Variants in ADCY9 observed in about 807,000 individuals in gnomAD.
ADCY9 encodes the protein adenylate cyclase type 9.
In ADCY9, 50 loss-of-function variants were observed where a neutral mutation model predicts 101.5. That is an observed-to-expected ratio of 0.49 (90% CI 0.39 to 0.62). The LOEUF (loss-of-function observed/expected upper bound fraction) is 0.62. Among genes scored for constraint, ADCY9 ranks in the 20% least tolerant of loss-of-function variants. The probability of loss-of-function intolerance (pLI) is 0.00; values close to 1 mark genes in which losing one functional copy is unlikely to be tolerated. For synonymous variants in ADCY9, 905 were observed against 769.3 expected, an observed-to-expected ratio of 1.18 and a Z score of -2.92; for missense variants, 1,662 against 1,800.4, an observed-to-expected ratio of 0.92 and a Z score of 1.39.
chr16:4,090,370 G>C (rs2056965618), intron 2 of ADCY9, among the ~76,000 whole-genome samples: 1 of 152,112 alleles, frequency 6.6e-6, no homozygotes, highest in Admixed American at 6.6e-5. Context: ...CGGTAATGCA[G>C]ACATGTTTAC....
At chr16:4,003,467 T>G (rs531498871) in intron 3 of ADCY9, among the ~76,000 whole-genome samples, 1 of 152,074 alleles carries the variant, frequency 6.6e-6, no homozygotes, top group East Asian at 1.9e-4. Flanking sequence ...CCGGCTCATC[T>G]CCCAGCAATC....
chr16:4,010,652 C>T (rs1231444547), intron 2 of ADCY9, among the ~76,000 whole-genome samples: 1 of 152,182 alleles, frequency 6.6e-6, no homozygotes, highest in African/African-American at 2.4e-5. Context: ...GCAGGTATGA[C>T]TATGGTCAGG....
At chr16:4,083,373 G>T (rs2056917608) in intron 2 of ADCY9, among the ~76,000 whole-genome samples, 1 of 152,132 alleles carries the variant, frequency 6.6e-6, no homozygotes, top group Non-Finnish European at 1.5e-5. Context: ...TGTTTATGGA[G>T]ACGTGGGGAA....
At chr16:4,051,425 G>C (rs894541838) in intron 2 of ADCY9, among the ~76,000 whole-genome samples, 8 of 151,994 alleles carry the variant, frequency 5.3e-5, no homozygotes, top group African/African-American at 1.9e-4. Flanking sequence ...TCGGGAGACT[G>C]AGGCGGGAGA....
intron 7 of ADCY9, 122 bp downstream of exon 7, chr16:3,983,110 C>T: frequency 1.0e-6 from 1 of 956,034 alleles, no homozygotes; most frequent in Non-Finnish European, 1.5e-6. Flanking sequence ...GGACCCATCT[C>T]CAGAAATCAG....
At chr16:4,097,409 G>A (rs2057010587) in intron 2 of ADCY9, among the ~76,000 whole-genome samples, 1 of 144,450 alleles carries the variant, frequency 6.9e-6, no homozygotes, top group African/African-American at 2.6e-5. Context: ...GTAGATGTTT[G>A]GGGTGTGGTT....
chr16:3,992,205 C>A lies in ADCY9; in HGVS notation c.2148G>T (p.Arg716Ser), dbSNP rs777620315. 5 of 1,614,074 alleles carry A rather than the reference C, an allele frequency of 3.1e-6. No individual in the cohort carries two copies. Among genetic ancestry groups the A allele is most frequent in the Non-Finnish European group, 3.4e-6 (4 of 1,180,044 alleles). ...CCGTTTTCTCCCGGATGTTCTTGAA[C>A]CTCAGCGGAAGGAGAGCCGACTGGT... ...SLDQSALLPL[R>S]FKNIREKTDA... is the part of the protein sequence containing the mutation. Residue 716 changes from arginine (R) to serine (S), a missense_variant, in exon 5 of 11, where the codon AGG becomes AGT. Physicochemically the swap from Arg to Ser is moderately radical, Grantham distance 110 (BLOSUM62 -1). Transcript: ENST00000294016. This position sits in a 1 kb window ranked among gnomAD's most constrained non-coding sequence, Gnocchi z 4.2.
At chr16:4,046,547 T>C (rs2056666357) in intron 2 of ADCY9, among the ~76,000 whole-genome samples, 1 of 152,180 alleles carries the variant, frequency 6.6e-6, no homozygotes, top group African/African-American at 2.4e-5. Context: ...AGTAGCTTAG[T>C]AGTCATTTCC....
Position 3,992,674 on chromosome 16 carries a change from G to A in ADCY9, c.1990-311C>T, listed in dbSNP as rs535207861. Among the ~76,000 whole-genome samples, 278 of 152,236 alleles carry A rather than the reference G, an allele frequency of 1.8e-3. No individual in the cohort carries two copies. The highest frequency in any genetic ancestry group is 6.0e-3 in the African/African-American group (251 of 41,544). On this transcript the variant is annotated intron_variant, in intron 4 of 10. Transcript: ENST00000294016. The surrounding 1 kb of genome is among the most constrained non-coding windows in gnomAD (Gnocchi z 4.2). The stretch of plus-strand genomic sequence containing the variant: ...GGGGAAGGGAGGAAAGTGAGGAGCC[G>A]AGGCCCCCAGAGTCTGCTTAGGCCA...
chr16:4,066,632 G>C (rs540318529), intron 2 of ADCY9, among the ~76,000 whole-genome samples: 2 of 152,170 alleles, frequency 1.3e-5, no homozygotes, highest in African/African-American at 4.8e-5. Context: ...TGATCCTCCC[G>C]CCTCAGCCTC....
At chr16:4,050,713 C>CCA in intron 2 of ADCY9, among the ~76,000 whole-genome samples, 1 of 69,638 alleles carries the variant, frequency 1.4e-5, no homozygotes, top group East Asian at 4.0e-4. Context: ...AACTCCGTCT[C>CCA]AAAAAAAAAA....
intron 2 of ADCY9, among the ~76,000 whole-genome samples, chr16:4,020,389 CTAAAAGAAAATGGGTGGGA>C (rs1168839156): frequency 6.6e-6 from 1 of 151,960 alleles, no homozygotes; most frequent in East Asian, 1.9e-4. Context: ...ATAAGAACTA[CTAAAAGAAAATGGGTGGGA>C]TAAAAGTAAA....
At chr16:4,070,998 A>C (rs1426916538) in intron 2 of ADCY9, among the ~76,000 whole-genome samples, 1 of 151,658 alleles carries the variant, frequency 6.6e-6, no homozygotes, top group African/African-American at 2.4e-5. Context: ...ATATAACCAC[A>C]ACTTTTCTTG....
chr16:4,018,678 G>A (rs1234756132), intron 2 of ADCY9, among the ~76,000 whole-genome samples: 4 of 152,094 alleles, frequency 2.6e-5, no homozygotes, highest in African/African-American at 9.7e-5. Context: ...CAGATCACCC[G>A]GTTTTCAACT....
At chr16:4,001,306 T>G (rs939420924) in intron 3 of ADCY9, among the ~76,000 whole-genome samples, 1 of 152,202 alleles carries the variant, frequency 6.6e-6, no homozygotes, top group East Asian at 1.9e-4. Context: ...CTTCTGGCCC[T>G]GCTGCGTTTG....
At chr16:4,000,207 G>A (rs2056319799) in intron 3 of ADCY9, among the ~76,000 whole-genome samples, 1 of 152,220 alleles carries the variant, frequency 6.6e-6, no homozygotes, top group African/African-American at 2.4e-5. Context: ...CCTTGTATCT[G>A]CTTAACCCTC....
chr16:4,027,841 C>T (rs550888059), intron 2 of ADCY9, among the ~76,000 whole-genome samples: 160 of 150,698 alleles, frequency 1.1e-3, no homozygotes, highest in African/African-American at 3.5e-3. Context: ...CATGCCATTG[C>T]ACTCCAGCCT....
chr16:4,042,491 G>A (rs945360585), intron 2 of ADCY9, among the ~76,000 whole-genome samples: 2 of 152,106 alleles, frequency 1.3e-5, no homozygotes, highest in African/African-American at 4.8e-5. Context: ...TGAAAAATCA[G>A]TTTTTACACC....
intron 3 of ADCY9, among the ~76,000 whole-genome samples, chr16:4,001,987 G>C (rs1401265961): frequency 6.6e-6 from 1 of 152,150 alleles, no homozygotes; most frequent in East Asian, 1.9e-4. Context: ...GACCTCAGGT[G>C]ATCCATCTGC....
Sources: gnomAD v4.1 joint callset for allele counts (sites outside exome capture counted in the v4.1 genomes callset) on GRCh38, gnomAD v4.1.1 for gene constraint, Gnocchi (gnomAD v3.1) non-coding constraint, MANE v1.5 for transcripts, NCBI Gene and HGNC (gene_info 2026-07-23, HGNC 2026-07-21) for gene names.